PTPRD: variants seen among roughly 807,000 people sequenced by gnomAD.
PTPRD encodes receptor-type tyrosine-protein phosphatase delta.
In PTPRD, 34 loss-of-function variants were observed where a neutral mutation model predicts 214.5. The observed-to-expected ratio is 0.16, with a 90% CI of 0.12 to 0.21. The LOEUF (loss-of-function observed/expected upper bound fraction) is 0.21, where lower values mean the gene tolerates loss of function less well. Among genes scored for constraint, PTPRD ranks in the 10% least tolerant of loss-of-function variants. The probability of loss-of-function intolerance (pLI) is 1.00; values close to 1 mark genes in which losing one functional copy is unlikely to be tolerated. For missense variants in PTPRD, 2,545 were observed against 2,398.7 expected (o/e 1.06, Z -1.27); for synonymous variants, 1,128 against 845.7 (o/e 1.33, Z -5.79).
rs188297305 is a variant in PTPRD at position 8,547,238 on chromosome 9, G to A, written c.353-18459C>T. Among the ~76,000 whole-genome samples the A allele has an allele frequency of 5.2e-3, 792 of 152,088 alleles. 3 individuals carry two copies. Among genetic ancestry groups the A allele is most frequent in the Non-Finnish European group, 7.7e-3 (525 of 67,988 alleles). On this transcript the variant is annotated intron_variant, in intron 14 of 45. Coordinates refer to ENST00000381196, the MANE Select transcript of PTPRD (RefSeq NM_002839.4). ...CTGAGAAATGTTAAAGTCACCCAAAGTTATGCTAAACCAAAAACAATAAAC... is the reference window on the plus strand; with the variant it reads ...CTGAGAAATGTTAAAGTCACCCAAAATTATGCTAAACCAAAAACAATAAAC...
In PTPRD at chr9:9,068,467, T is replaced by C. The variant is rs113686782; in HGVS notation, c.-142-49732A>G. Among the ~76,000 whole-genome samples, 704 of 152,312 alleles carry C rather than the reference T, an allele frequency of 4.6e-3. 7 individuals are homozygous for C. The highest frequency in any genetic ancestry group is 0.016 in the African/African-American group (654 of 41,568). ...TTTTACTTTCCACCAACAATGCATATGCAATCTTTGGATTTCTTTTAGTTT... is the reference window on the plus strand; with the variant it reads ...TTTTACTTTCCACCAACAATGCATACGCAATCTTTGGATTTCTTTTAGTTT... On this transcript the variant is annotated intron_variant, in intron 10 of 45. Coordinates refer to ENST00000381196, the MANE Select transcript of PTPRD (RefSeq NM_002839.4).
At chr9:9,694,394 A>C (rs536999550) in intron 7 of PTPRD, among the ~76,000 whole-genome samples, 42 of 150,042 alleles carry the variant, frequency 2.8e-4, no homozygotes, top group Non-Finnish European at 5.0e-4. Context: ...TTTCCCTTAC[A>C]TTTTCCCAAA....
chr9:8,950,937 T>G (rs539085516), intron 11 of PTPRD, among the ~76,000 whole-genome samples: 3 of 152,234 alleles, frequency 2.0e-5, no homozygotes, highest in Non-Finnish European at 4.4e-5. Flanking sequence ...AGTTCCAGCA[T>G]GCTTTACAAT....
chr9:8,578,605 G>A (rs2154248271), intron 14 of PTPRD, among the ~76,000 whole-genome samples: 1 of 152,260 alleles, frequency 6.6e-6, no homozygotes. Flanking sequence ...CATAGATGGG[G>A]CTGAGAAGTG....
chr9:10,251,749 C>T (rs751968013), intron 3 of PTPRD, among the ~76,000 whole-genome samples: 7 of 152,092 alleles, frequency 4.6e-5, no homozygotes, highest in Non-Finnish European at 1.0e-4. Context: ...TTGCTCATAT[C>T]GCAATGTGAC....
At chr9:10,396,615 C>T (rs972615888) in intron 2 of PTPRD, among the ~76,000 whole-genome samples, 1 of 151,978 alleles carries the variant, frequency 6.6e-6, no homozygotes, top group African/African-American at 2.4e-5. Flanking sequence ...ATCTGGTTAG[C>T]TCTTAGACAC....
chr9:8,600,094 G>C (rs1328609433), intron 14 of PTPRD, among the ~76,000 whole-genome samples: 1 of 152,200 alleles, frequency 6.6e-6, no homozygotes. Context: ...CTATGTGCTT[G>C]GGATGGGTGG....
chr9:9,061,964 T>A (rs146745776), intron 10 of PTPRD, among the ~76,000 whole-genome samples: 1 of 151,924 alleles, frequency 6.6e-6, no homozygotes, highest in South Asian at 2.1e-4. Flanking sequence ...GAACCGACTG[T>A]GGGAGTAGAA....
At chr9:10,031,987 T>A (rs4237124) in intron 4 of PTPRD, among the ~76,000 whole-genome samples, 107,156 of 151,868 alleles carry the variant, frequency 0.71, 39,450 homozygotes, top group African/African-American at 0.92. Context: ...AGATTTAATG[T>A]AGGCTGCCTA....
chr9:10,272,885 A>T (rs893842146), intron 3 of PTPRD, among the ~76,000 whole-genome samples: 1 of 152,228 alleles, frequency 6.6e-6, no homozygotes, highest in Non-Finnish European at 1.5e-5. Flanking sequence ...TTAACTTTTA[A>T]TAAATGTCTT....
intron 14 of PTPRD, among the ~76,000 whole-genome samples, chr9:8,594,549 G>T (rs1055447317): frequency 6.6e-6 from 1 of 152,066 alleles, no homozygotes; most frequent in Non-Finnish European, 1.5e-5. Flanking sequence ...CCCACATGTC[G>T]AGGGAGGGAC....
intron 5 of PTPRD, among the ~76,000 whole-genome samples, chr9:9,900,755 G>A (rs750867035): frequency 6.6e-6 from 1 of 151,196 alleles, no homozygotes; most frequent in Non-Finnish European, 1.5e-5. Flanking sequence ...TCCTGCCTCA[G>A]CCTCCCGAGT....
At chr9:9,862,886 T>G (rs1228127877) in intron 5 of PTPRD, among the ~76,000 whole-genome samples, 1 of 152,210 alleles carries the variant, frequency 6.6e-6, no homozygotes, top group Non-Finnish European at 1.5e-5. Context: ...TCTGTTATGT[T>G]TTAGTAGAAA....
chr9:9,845,232 C>T (rs1452427633), intron 5 of PTPRD, among the ~76,000 whole-genome samples: 2 of 136,540 alleles, frequency 1.5e-5, no homozygotes, highest in South Asian at 2.3e-4. Flanking sequence ...ATATATATAG[C>T]AATAGTGATC....
chr9:9,902,657 G>C (rs890944896), intron 5 of PTPRD, among the ~76,000 whole-genome samples: 41 of 152,082 alleles, frequency 2.7e-4, no homozygotes, highest in African/African-American at 9.2e-4. Flanking sequence ...GGCTTGTGAA[G>C]GTATTATTGA....
intron 5 of PTPRD, among the ~76,000 whole-genome samples, chr9:9,820,605 T>C (rs2050377464): frequency 6.6e-6 from 1 of 152,188 alleles, no homozygotes. Flanking sequence ...TCTAGGATTC[T>C]TGTGGTTTGA....
At chr9:10,528,558 ATCATATGTATAC>A (rs1277435666) in intron 2 of PTPRD, among the ~76,000 whole-genome samples, 3 of 152,210 alleles carry the variant, frequency 2.0e-5, no homozygotes, top group Admixed American at 6.6e-5. Context: ...TGACATTTGT[ATCATATGTATAC>A]TCAGGGCCTA....
intron 5 of PTPRD, among the ~76,000 whole-genome samples, chr9:9,836,211 T>C (rs978309276): frequency 6.6e-6 from 1 of 152,152 alleles, no homozygotes; most frequent in African/African-American, 2.4e-5. Flanking sequence ...AAGGACATCC[T>C]AGAGTAGCCC....
At chr9:8,734,313 A>ACAC (rs1413265180) in intron 11 of PTPRD, among the ~76,000 whole-genome samples, 1 of 152,246 alleles carries the variant, frequency 6.6e-6, no homozygotes, top group Non-Finnish European at 1.5e-5. Context: ...GCAAAGAAGC[A>ACAC]CACCAGTGCT....
Sources: gnomAD v4.1 joint callset for allele counts (sites outside exome capture counted in the v4.1 genomes callset) on GRCh38, gnomAD v4.1.1 for gene constraint, MANE v1.5 for transcripts, NCBI Gene and HGNC (gene_info 2026-07-23, HGNC 2026-07-21) for gene names.